AFF3: variants seen among roughly 807,000 people sequenced by gnomAD.
The protein encoded by AFF3 is ALF transcription elongation factor 3.
AFF3 carries 32 observed loss-of-function variants against 129.7 expected under a neutral mutation model. That is an observed-to-expected ratio of 0.25 (90% CI 0.19 to 0.33). The LOEUF (loss-of-function observed/expected upper bound fraction) is 0.33. AFF3 is among the 10% of genes least tolerant of loss of function. The probability of loss-of-function intolerance (pLI) is 1.00; values close to 1 mark genes in which losing one functional copy is unlikely to be tolerated. For synonymous variants in AFF3, 644 were observed against 635.4 expected, an observed-to-expected ratio of 1.01 and a Z score of -0.20; for missense variants, 1,373 against 1,592.0, an observed-to-expected ratio of 0.86 and a Z score of 2.34.
chr2:99,669,723 A>G (rs1360807334), intron 12 of AFF3, among the ~76,000 whole-genome samples: 3 of 152,184 alleles, frequency 2.0e-5, no homozygotes, highest in Non-Finnish European at 4.4e-5. Context: ...TAATCCCAGC[A>G]CTTTGGGAGG....
At chr2:99,864,262 T>C (rs1394766789) in intron 7 of AFF3, among the ~76,000 whole-genome samples, 1 of 152,202 alleles carries the variant, frequency 6.6e-6, no homozygotes, top group Non-Finnish European at 1.5e-5. Flanking sequence ...CAAAGGTGTC[T>C]GATCCCACTG....
At chr2:99,940,337 G>C (rs1372065766) in intron 7 of AFF3, among the ~76,000 whole-genome samples, 1 of 152,208 alleles carries the variant, frequency 6.6e-6, no homozygotes, top group Non-Finnish European at 1.5e-5. Flanking sequence ...ACTCCATCTT[G>C]AATAGGAGCT....
chr2:99,631,109 C>T (rs1203571079), intron 13 of AFF3: 1 of 316,720 alleles, frequency 3.2e-6, no homozygotes, highest in Non-Finnish European at 6.7e-6. Context: ...CTGGGAGTGC[C>T]TGGACGTGTG....
chr2:99,902,395 G>A (rs377049369), intron 7 of AFF3, among the ~76,000 whole-genome samples: 1 of 152,160 alleles, frequency 6.6e-6, no homozygotes, highest in Non-Finnish European at 1.5e-5. Flanking sequence ...CGTTTTAAAT[G>A]CATAAATACA....
At position 99,601,542 on chromosome 2, in the gene AFF3, T is replaced by C. The variant is rs1336145056; in HGVS notation, c.1264A>G (p.Ser422Gly). 2.5e-6 allele frequency: 4 copies of C among 1,601,306 alleles called. No individual in the cohort carries two copies. The highest frequency in any genetic ancestry group is 2.6e-6 in the Non-Finnish European group (3 of 1,175,760). Residue 422 changes from serine to glycine, a missense_variant, in exon 14 of 25, where the codon AGC becomes GGC. Ser to Gly is a moderately conservative substitution (Grantham distance 56). Coordinates refer to ENST00000672756, the MANE Select transcript of AFF3 (RefSeq NM_001386135.1). ...GSSSSSSSGS[S>G]SSSSDSESSS... ...CTCTCTGAGTCGCTGGAGGAGCTGC[T>C]GCTGCCGCTGCTGCTGCTGCTGCTG...
chr2:99,871,812 C>T (rs994293564), intron 7 of AFF3, among the ~76,000 whole-genome samples: 6 of 152,080 alleles, frequency 3.9e-5, no homozygotes, highest in Non-Finnish European at 8.8e-5. Flanking sequence ...GGTTTAGTTG[C>T]AACCCACACA....
At chr2:99,872,207 CAAAAAA>C (rs397871895) in intron 7 of AFF3, among the ~76,000 whole-genome samples, 16 of 61,778 alleles carry the variant, frequency 2.6e-4, no homozygotes, top group Non-Finnish European at 3.5e-4. Context: ...GACTCCATCT[CAAAAAA>C]AAAAAAAAAA....
intron 4 of AFF3, among the ~76,000 whole-genome samples, chr2:100,061,577 C>T (rs971423324): frequency 2.0e-5 from 3 of 152,106 alleles, no homozygotes; most frequent in African/African-American, 7.2e-5. Context: ...ATGATGGAGG[C>T]AACACATGCT....
intron 9 of AFF3, among the ~76,000 whole-genome samples, chr2:99,746,821 G>C (rs1369801384): frequency 6.6e-6 from 1 of 152,008 alleles, no homozygotes; most frequent in Non-Finnish European, 1.5e-5. Context: ...AAAATACTTT[G>C]AGTCCCATTT....
intron 7 of AFF3, among the ~76,000 whole-genome samples, chr2:99,899,279 T>C (rs1383083940): frequency 6.6e-6 from 1 of 152,178 alleles, no homozygotes; most frequent in Non-Finnish European, 1.5e-5. Flanking sequence ...GAAACAAAGG[T>C]CACTTGCTCA....
At chr2:99,707,020 G>A in intron 11 of AFF3, 1 of 831,932 alleles carries the variant, frequency 1.2e-6, no homozygotes, top group Non-Finnish European at 1.4e-6. Flanking sequence ...GACAGCACAA[G>A]CCTCAAAGGC....
At chr2:100,055,948 G>T (rs1030324536) in intron 4 of AFF3, among the ~76,000 whole-genome samples, 1 of 151,670 alleles carries the variant, frequency 6.6e-6, no homozygotes, top group African/African-American at 2.4e-5. Context: ...GAGAAGGAAG[G>T]ACTGCTTGAG....
chr2:100,056,057 T>TCACACACA (rs1491369012), intron 4 of AFF3, among the ~76,000 whole-genome samples: 4 of 88,032 alleles, frequency 4.5e-5, no homozygotes, highest in East Asian at 2.4e-4. Context: ...AATCGCTGTC[T>TCACACACA]CTCTCTCACA....
chr2:99,690,984 A>C (rs2104661029), intron 11 of AFF3, among the ~76,000 whole-genome samples: 1 of 152,196 alleles, frequency 6.6e-6, no homozygotes, highest in Non-Finnish European at 1.5e-5. Flanking sequence ...GCTGTGACAA[A>C]GGGAAGTAAG....
chr2:99,921,930 T>C (rs553981540), intron 7 of AFF3, among the ~76,000 whole-genome samples: 8 of 152,158 alleles, frequency 5.3e-5, no homozygotes, highest in Non-Finnish European at 1.0e-4. Context: ...CAAATGAAGA[T>C]AGCACATGGC....
chr2:100,072,012 G>A (rs1309146835), intron 4 of AFF3, among the ~76,000 whole-genome samples: 1 of 152,168 alleles, frequency 6.6e-6, no homozygotes, highest in Non-Finnish European at 1.5e-5. Context: ...AAAAACTAGA[G>A]ATTTCTACTC....
intron 7 of AFF3, among the ~76,000 whole-genome samples, chr2:99,900,161 C>T (rs1182743882): frequency 1.3e-5 from 2 of 152,188 alleles, no homozygotes; most frequent in Non-Finnish European, 2.9e-5. Context: ...AGAAATTATA[C>T]TGGCAAGGTT....
chr2:99,943,325 G>T (rs936693271), intron 7 of AFF3, among the ~76,000 whole-genome samples: 3 of 152,154 alleles, frequency 2.0e-5, no homozygotes, highest in African/African-American at 7.2e-5. Flanking sequence ...GCAGTCCTAG[G>T]TACCCTCAAA....
chr2:99,929,655 T>A (rs1159709124), intron 7 of AFF3, among the ~76,000 whole-genome samples: 5 of 152,200 alleles, frequency 3.3e-5, no homozygotes, highest in Non-Finnish European at 5.9e-5. Flanking sequence ...CACTCTGACA[T>A]CACGTTGCCT....
Sources: gnomAD v4.1 joint callset for allele counts (sites outside exome capture counted in the v4.1 genomes callset) on GRCh38, gnomAD v4.1.1 for gene constraint, MANE v1.5 for transcripts, NCBI Gene and HGNC (gene_info 2026-07-23, HGNC 2026-07-21) for gene names.